Variants in GRAMD1A observed in about 807,000 individuals in gnomAD.
The protein encoded by GRAMD1A is GRAM domain containing 1A, also known as protein Aster-A.
Under a neutral mutation model 92.0 loss-of-function variants are expected in GRAMD1A, and 50 were observed. The observed-to-expected ratio is 0.54, with a 90% CI of 0.43 to 0.69. GRAMD1A has a LOEUF of 0.69. GRAMD1A is among the 30% of genes least tolerant of loss of function. GRAMD1A has a pLI of 0.00. For synonymous variants in GRAMD1A, 405 were observed against 403.6 expected (o/e 1.00, Z -0.04); for missense variants, 819 against 978.9 (o/e 0.84, Z 2.18).
intron 6 of GRAMD1A, among the ~76,000 whole-genome samples, chr19:35,011,101 CAAAAA>C (rs56905471): frequency 1.4e-5 from 1 of 71,760 alleles, no homozygotes; most frequent in Non-Finnish European, 2.8e-5. Flanking sequence ...GACCCTGTCT[CAAAAA>C]AAAAAAAAAA....
At position 35,022,017 on chromosome 19, in the gene GRAMD1A, C is replaced by G. The variant is rs557614059; in HGVS notation, c.1820C>G (p.Ala607Gly). 1.6e-4 allele frequency: 252 copies of G among 1,613,460 alleles called. 1 individual carries two copies. In the South Asian group the frequency reaches 2.6e-3, roughly 17 times the overall value. The change falls in exon 16 of 20, where the codon GCC becomes GGC. Residue 607 changes from alanine (A) to glycine (G), a missense_variant. Physicochemically the swap from Ala to Gly is moderately conservative, Grantham distance 60 (BLOSUM62 0). This residue lies in a region of GRAMD1A where 577 missense variants were observed against 674.6 expected (regional missense o/e 0.86). Coordinates refer to ENST00000317991, the MANE Select transcript of GRAMD1A (RefSeq NM_020895.5). ...GGCCCCGGGGCAGGCATCCCCAGTG[C>G]CCTGGTTCTCATCAGCATTGTGTGA... The part of the protein sequence containing the change: ...DQGPGAGIPS[A>G]LVLISIVICV...
chr19:35,009,341 C>T lies in GRAMD1A; in HGVS notation c.219+12C>T, dbSNP rs1398999024. Reference sequence around the variant, plus strand: ...TCCGCAACAGCAAGGTTGGTGCAAGCCCAGGTGGGGTGGGGAGAGGGCTAG... The same window carrying T: ...TCCGCAACAGCAAGGTTGGTGCAAGTCCAGGTGGGGTGGGGAGAGGGCTAG... On this transcript the variant is annotated intron_variant, in intron 2 of 19. Coordinates refer to ENST00000317991, the MANE Select transcript of GRAMD1A (RefSeq NM_020895.5). The T allele has an allele frequency of 1.9e-6, 3 of 1,613,628 alleles. No homozygotes were observed. The highest frequency in any genetic ancestry group is 1.3e-5 in the African/African-American group (1 of 74,928).
Position 35,024,652 on chromosome 19 carries a change from G to A in GRAMD1A, c.2082+1105G>A, listed in dbSNP as rs559767299. ...TCCATATCAGAAGGCTCATCTTTAG[G>A]GGTCTCATTGCCCCCCGAAATCAAG... On this transcript the variant is annotated intron_variant, in intron 19 of 19. Coordinates refer to ENST00000317991, the MANE Select transcript of GRAMD1A (RefSeq NM_020895.5). Among the ~76,000 whole-genome samples, 18 of 152,198 alleles carry A rather than the reference G, an allele frequency of 1.2e-4. 1 individual carries two copies. In the South Asian group the frequency reaches 3.7e-3, roughly 32 times the overall value.
chr19:34,996,715 C>A (rs901995664), upstream of GRAMD1A, among the ~76,000 whole-genome samples: 1 of 149,556 alleles, frequency 6.7e-6, no homozygotes. Context: ...CTGGGGCAGG[C>A]GGTTTGCTTG....
At chr19:35,006,902 G>A (rs145294618) in intron 1 of GRAMD1A, among the ~76,000 whole-genome samples, 505 of 152,332 alleles carry the variant, frequency 3.3e-3, no homozygotes, top group Middle Eastern at 0.01. Flanking sequence ...TGAGCTGAAG[G>A]GGACAGAGCT....
In GRAMD1A at chr19:35,023,303, C is replaced by T. The variant is rs746525769; in HGVS notation, c.1921C>T (p.His641Tyr). The T allele has an allele frequency of 2.5e-6, 4 of 1,614,146 alleles. No individual in the cohort carries two copies. The Admixed American group carries it at 6.7e-5, about 27-fold the overall frequency. ...CCTCTGGTCCCTGGAAAGGACAGCC[C>T]ACACCTTTGAGTCCTGGCACAGCCT... ...YRLWSLERTA[H>Y]TFESWHSLAL... The change falls in exon 18 of 20, where the codon CAC becomes TAC. Residue 641 changes from histidine to tyrosine, a missense_variant. By Grantham distance (83) the His-to-Tyr change is moderately conservative. Coordinates refer to ENST00000317991, the MANE Select transcript of GRAMD1A (RefSeq NM_020895.5).
In GRAMD1A at chr19:35,010,373, C is replaced by T. The variant is rs769197917; in HGVS notation, c.519C>T (p.Ser173=). ...IPNAIQICTE[S]EKHFFTSFGA... Reference sequence around the variant, plus strand: ...ACGCCATCCAGATCTGCACGGAGAGCGAGAAGGTGACGGAGGACCCGGTGA... The same window carrying T: ...ACGCCATCCAGATCTGCACGGAGAGTGAGAAGGTGACGGAGGACCCGGTGA... The change falls in exon 6 of 20, where the codon AGC becomes AGT. Residue 173 remains serine, a synonymous_variant. Coordinates refer to ENST00000317991, the MANE Select transcript of GRAMD1A (RefSeq NM_020895.5). 1.6e-5 allele frequency: 25 copies of T among 1,610,398 alleles called. No homozygotes were observed. Among genetic ancestry groups the T allele is most frequent in the South Asian group, 3.3e-5 (3 of 91,030 alleles).
upstream of GRAMD1A, among the ~76,000 whole-genome samples, chr19:34,996,884 A>G (rs2014059328): frequency 1.3e-5 from 2 of 150,918 alleles, no homozygotes; most frequent in South Asian, 2.1e-4. Context: ...AGACCCATTT[A>G]AGGGCCATAA....
chr19:35,009,204 C>T lies in GRAMD1A; in HGVS notation c.94C>T (p.Pro32Ser). 2 of 1,613,890 alleles carry T rather than the reference C, an allele frequency of 1.2e-6. No homozygotes were observed. The highest frequency in any genetic ancestry group is 1.3e-5 in the African/African-American group (1 of 75,046). The part of the protein sequence containing the change: ...RLQLLPPSRP[P>S]PEPEPGTMVE... Reference sequence around the variant, plus strand: ...GCAGCTCCTGCCCCCAAGCCGGCCCCCACCTGAGCCAGAACCAGGCACCAT... The same window carrying T: ...GCAGCTCCTGCCCCCAAGCCGGCCCTCACCTGAGCCAGAACCAGGCACCAT... Residue 32 changes from proline (P) to serine (S), a missense_variant, in exon 2 of 20, where the codon CCA (proline) becomes TCA (serine). Transcript: ENST00000317991.
intron 6 of GRAMD1A, among the ~76,000 whole-genome samples, chr19:35,010,800 T>TGGTTAAAA (rs1399601227): frequency 6.6e-6 from 1 of 152,076 alleles, no homozygotes; most frequent in Non-Finnish European, 1.5e-5. Context: ...TGTGTTTTGT[T>TGGTTAAAA]GGTTAAAAGT....
In GRAMD1A at chr19:35,022,927, C is replaced by T. The variant is rs751002695; in HGVS notation, c.1853+16C>T. 11 of 1,578,004 alleles carry T rather than the reference C, an allele frequency of 7.0e-6. No individual in the cohort carries two copies. In the South Asian group the frequency reaches 9.2e-5, roughly 13 times the overall value. ...TCTGTGTGAGGTAGGGTCCCGAGTC[C>T]TCCCCCTGCCCTCCCCTCCCTGCAC... On this transcript the variant is annotated intron_variant, in intron 17 of 19. Coordinates refer to ENST00000317991, the MANE Select transcript of GRAMD1A (RefSeq NM_020895.5).
chr19:35,021,619 G>T lies in GRAMD1A; in HGVS notation c.1579+14G>T. ...TCCACCATCTGGGTAGGGACAGAAG[G>T]CCGGCTGGGGCGTGGGTTGGGGGAT... On this transcript the variant is annotated intron_variant, in intron 14 of 19. Coordinates refer to ENST00000317991, the MANE Select transcript of GRAMD1A (RefSeq NM_020895.5). This position sits in a 1 kb window ranked among gnomAD's most constrained non-coding sequence, Gnocchi z 5.3. 6.2e-7 allele frequency: 1 copy of T among 1,613,446 alleles called. No homozygotes were observed. The highest frequency in any genetic ancestry group is 2.2e-5 in the East Asian group (1 of 44,872).
chr19:35,000,467 C>A lies in GRAMD1A; in HGVS notation c.-12C>A. The A allele has an allele frequency of 7.9e-7, 1 of 1,259,790 alleles. No homozygotes were observed. Among genetic ancestry groups the A allele is most frequent in the African/African-American group, 1.6e-5 (1 of 63,940 alleles). 78.0% of individuals were successfully genotyped at this position (1,259,790 alleles called of 1,614,324 possible). A position where few individuals can be genotyped will look rare whatever the true frequency, so the allele number is the denominator to read the frequency against. ...TGCCCTGCGCCCGGGGCGCGCCCACCGCGCCGCATCCATGTTCGAGTAAGG... is the reference window on the plus strand; with the variant it reads ...TGCCCTGCGCCCGGGGCGCGCCCACAGCGCCGCATCCATGTTCGAGTAAGG... On this transcript the variant is annotated 5_prime_UTR_variant, in exon 1 of 20. Coordinates refer to ENST00000317991, the MANE Select transcript of GRAMD1A (RefSeq NM_020895.5). The surrounding 1 kb of genome is among the most constrained non-coding windows in gnomAD (Gnocchi z 4.9).
In GRAMD1A at chr19:35,000,397, AGCGCAGCCCAGCCCC is replaced by A. The variant is rs1002856364; in HGVS notation, c.-67_-53del. The A allele has an allele frequency of 1.1e-5, 13 of 1,142,186 alleles. No homozygotes were observed. In the African/African-American group the frequency reaches 2.0e-4, roughly 17 times the overall value. The allele number at this position is 1,142,186 out of a possible 1,614,324, so 70.8% of individuals were successfully genotyped here. ...AGGCCGGTGCCCTGCGGGGACGCCC[AGCGCAGCCCAGCCCC>A]GCGCAGCCCAGCCCTGCCCTGCCCT... is the stretch of plus-strand genomic sequence containing the variant. On this transcript the variant is annotated 5_prime_UTR_variant, in exon 1 of 20. Coordinates refer to ENST00000317991, the MANE Select transcript of GRAMD1A (RefSeq NM_020895.5). The surrounding 1 kb of genome is among the most constrained non-coding windows in gnomAD (Gnocchi z 4.9).
At chr19:35,024,659 A>C (rs116604000) in intron 19 of GRAMD1A, among the ~76,000 whole-genome samples, 1,620 of 148,678 alleles carry the variant, frequency 0.011, 19 homozygotes, top group African/African-American at 0.037. Context: ...TAGGGGTCTC[A>C]TTGCCCCCCG....
chr19:35,022,200 T>C (rs1221842868), intron 16 of GRAMD1A, among the ~76,000 whole-genome samples, 162 bp downstream of exon 16: 2 of 152,010 alleles, frequency 1.3e-5, no homozygotes, highest in African/African-American at 4.8e-5. Context: ...TGTGCCGGTT[T>C]GTCATGGAGA....
intron 16 of GRAMD1A, 139 bp from the exon 17 acceptor site, chr19:35,022,761 C>T: frequency 9.3e-6 from 6 of 648,260 alleles, no homozygotes; most frequent in Admixed American, 3.3e-5. Context: ...AGCCTCTGAG[C>T]CTCAGCTCTC....
rs1002395385 is a variant in GRAMD1A, at chr19:35,011,662, G to A, written c.606+108G>A. ...GAGGCAGCCCTGGCTCTTCTCCATG[G>A]GCACCAGGCCCAGTGCCCCTGCAGC... On this transcript the variant is annotated intron_variant, in intron 7 of 19. Transcript: ENST00000317991. 1.8e-5 allele frequency: 14 copies of A among 761,772 alleles called. No individual in the cohort carries two copies. In the African/African-American group the frequency reaches 2.4e-4, roughly 13 times the overall value. The allele number at this position is 761,772 out of a possible 1,614,324, so 47.2% of individuals were successfully genotyped here.
intron 2 of GRAMD1A, 23 bp downstream of exon 2, chr19:35,009,352 T>C (rs368182831): frequency 4.3e-6 from 7 of 1,613,254 alleles, no homozygotes; most frequent in Non-Finnish European, 5.9e-6. Context: ...CCAGGTGGGG[T>C]GGGGAGAGGG....
Sources: allele counts gnomAD v4.1 joint callset (sites outside exome capture counted in the v4.1 genomes callset), GRCh38; gene constraint gnomAD v4.1.1; regional missense constraint gnomAD v4.1.1; non-coding constraint Gnocchi (gnomAD v3.1); transcripts MANE v1.5; gene names NCBI Gene and HGNC (gene_info 2026-07-23, HGNC 2026-07-21).